The following RXRA variants were observed in gnomAD, a reference collection of about 807,000 sequenced individuals.
The protein encoded by RXRA is retinoic acid receptor RXR-alpha.
In RXRA, 5 loss-of-function variants were observed where a neutral mutation model predicts 44.5. The observed-to-expected ratio is 0.11, with a 90% CI of 0.06 to 0.24. RXRA has a LOEUF of 0.24. Among genes scored for constraint, RXRA ranks in the 10% least tolerant of loss-of-function variants. RXRA has a pLI of 1.00. For synonymous variants in RXRA, 291 were observed against 271.4 expected, an observed-to-expected ratio of 1.07 and a Z score of -0.71; for missense variants, 412 against 646.5, an observed-to-expected ratio of 0.64 and a Z score of 3.93.
At chr9:134,329,793 G>A (rs890975594) in intron 1 of RXRA, among the ~76,000 whole-genome samples, 2 of 152,114 alleles carry the variant, frequency 1.3e-5, no homozygotes, top group Non-Finnish European at 2.9e-5. Flanking sequence ...CATCTCCCCC[G>A]TGGCTGTGTG....
intron 6 of RXRA, chr9:134,424,934 C>CCA: frequency 1.0e-6 from 1 of 985,468 alleles, no homozygotes; most frequent in Non-Finnish European, 1.2e-6. Context: ...GAGTGCTCCC[C>CCA]CATTATGTCC....
chr9:134,430,583 T>C (rs1831516528), intron 7 of RXRA, among the ~76,000 whole-genome samples: 1 of 152,180 alleles, frequency 6.6e-6, no homozygotes, highest in South Asian at 2.1e-4. Context: ...AACAGTGTCC[T>C]TGAGGGTCTT....
At chr9:134,434,291 G>T (rs917510385) in intron 9 of RXRA, 84 bp downstream of exon 9, 1 of 984,356 alleles carries the variant, frequency 1.0e-6, no homozygotes, top group Non-Finnish European at 1.6e-6. Flanking sequence ...CATTTTATGT[G>T]AATGAGAAGG....
At chr9:134,375,689 G>C (rs1370436048) in intron 1 of RXRA, among the ~76,000 whole-genome samples, 2 of 152,176 alleles carry the variant, frequency 1.3e-5, no homozygotes, top group Non-Finnish European at 2.9e-5. Flanking sequence ...TCTGGGCCCT[G>C]TGTGGGTTGT....
rs1468631849 is a variant in RXRA at position 134,438,436 on chromosome 9, C to CA, written c.*1823dup. The CA allele has an allele frequency of 6.6e-6, 1 of 152,252 alleles. No homozygotes were observed. Among genetic ancestry groups the CA allele is most frequent in the Admixed American group, 6.5e-5 (1 of 15,286 alleles). 9.4% of individuals were successfully genotyped at this position (152,252 alleles called of 1,614,324 possible). A position where few individuals can be genotyped will look rare whatever the true frequency, so the allele number is the denominator to read the frequency against. On this transcript the variant is annotated 3_prime_UTR_variant, in exon 10 of 10. Transcript: ENST00000481739. ...TGAGTCTGTGCCCGAGACAGGCTGTCAGAGATTCCAGAAGCCTCTCCTCCC... is the reference window on the plus strand; with the variant it reads ...TGAGTCTGTGCCCGAGACAGGCTGTCAAGAGATTCCAGAAGCCTCTCCTCCC...
At chr9:134,425,375 A>G in intron 6 of RXRA, 1 of 985,132 alleles carries the variant, frequency 1.0e-6, no homozygotes, top group Non-Finnish European at 1.2e-6. Context: ...TTGTCAGATG[A>G]GTAAACTGAG....
intron 4 of RXRA, among the ~76,000 whole-genome samples, chr9:134,411,700 C>T (rs1831151039): frequency 6.6e-6 from 1 of 152,244 alleles, no homozygotes; most frequent in Admixed American, 6.5e-5. Context: ...AGTCAGAATG[C>T]TGCCGAGCGC....
At chr9:134,412,592 G>A (rs1348573461) in intron 4 of RXRA, among the ~76,000 whole-genome samples, 1 of 152,204 alleles carries the variant, frequency 6.6e-6, no homozygotes, top group Non-Finnish European at 1.5e-5. Context: ...CCACCAGGAG[G>A]GACTCGTTCC....
chr9:134,386,229 A>G (rs1830717924), intron 1 of RXRA, among the ~76,000 whole-genome samples: 1 of 152,236 alleles, frequency 6.6e-6, no homozygotes, highest in South Asian at 2.1e-4. Flanking sequence ...GCCGCGCTGC[A>G]TCACCCGAGG....
At chr9:134,409,378 G>A (rs574658596) in intron 4 of RXRA, among the ~76,000 whole-genome samples, 1 of 152,320 alleles carries the variant, frequency 6.6e-6, no homozygotes, top group Non-Finnish European at 1.5e-5. Flanking sequence ...AGACCCTCAG[G>A]TGGCACTGCT....
chr9:134,373,703 A>G (rs1055173041), intron 1 of RXRA, among the ~76,000 whole-genome samples: 50 of 152,196 alleles, frequency 3.3e-4, no homozygotes, highest in Admixed American at 3.3e-4. Context: ...GGCACCTCCC[A>G]CAGGAAGCCC....
intron 4 of RXRA, among the ~76,000 whole-genome samples, chr9:134,413,155 C>T (rs1246621516): frequency 6.6e-6 from 1 of 152,210 alleles, no homozygotes; most frequent in East Asian, 1.9e-4. Flanking sequence ...GGTTCCTCAT[C>T]TGTGATGGGC....
chr9:134,416,070 G>T (rs1831229165), intron 4 of RXRA, among the ~76,000 whole-genome samples: 1 of 152,114 alleles, frequency 6.6e-6, no homozygotes, highest in Non-Finnish European at 1.5e-5. Context: ...AGGACTTTCA[G>T]GGAAGGGGAC....
At chr9:134,394,382 GGTGTTGATGGA>G (rs2119128364) in intron 1 of RXRA, among the ~76,000 whole-genome samples, 1 of 152,176 alleles carries the variant, frequency 6.6e-6, no homozygotes, top group East Asian at 1.9e-4. Flanking sequence ...AGGCCCTTTG[GGTGTTGATGGA>G]GCCTGTCTCC....
chr9:134,414,823 T>G (rs1255000700), intron 4 of RXRA, among the ~76,000 whole-genome samples: 1 of 152,200 alleles, frequency 6.6e-6, no homozygotes, highest in Non-Finnish European at 1.5e-5. Context: ...TGCGGGGGCT[T>G]CCTGCCCCGG....
chr9:134,392,229 C>T lies in RXRA; in HGVS notation c.29-9403C>T, dbSNP rs984853756. ...CTTTCCGTGACTCCGCTTCTTTCCA[C>T]GGGGACTCTGCCAGGACTGGGGCTT... On this transcript the variant is annotated intron_variant, in intron 1 of 9. Transcript: ENST00000481739. Among the ~76,000 whole-genome samples, 18 of 152,300 alleles carry T rather than the reference C, an allele frequency of 1.2e-4. No homozygotes were observed. In the East Asian group the frequency reaches 3.1e-3, roughly 26 times the overall value.
chr9:134,367,251 C>T (rs1830425825), intron 1 of RXRA, among the ~76,000 whole-genome samples: 1 of 152,152 alleles, frequency 6.6e-6, no homozygotes. Flanking sequence ...GTGGATCTGC[C>T]TGGTCTGGCG....
chr9:134,366,938 G>A lies in RXRA; in HGVS notation c.29-34694G>A, dbSNP rs541562482. Among the ~76,000 whole-genome samples, 108 of 152,230 alleles carry A rather than the reference G, an allele frequency of 7.1e-4. No individual in the cohort carries two copies. The highest frequency in any genetic ancestry group is 2.5e-3 in the African/African-American group (102 of 41,536). On this transcript the variant is annotated intron_variant, in intron 1 of 9. Transcript: ENST00000481739. The surrounding 1 kb of genome is among the most constrained non-coding windows in gnomAD (Gnocchi z 5.9). ...CAGGCTCCTGCTGGGAGAAGGGGCT[G>A]GTGGTTCCCGGGCCTGCACATCCCC...
chr9:134,432,662 G>A (rs563638757), intron 8 of RXRA, among the ~76,000 whole-genome samples: 1 of 152,384 alleles, frequency 6.6e-6, no homozygotes, highest in South Asian at 2.1e-4. Context: ...TCAAGCTGCT[G>A]GATAGGGCTT....
Sources: gnomAD v4.1 joint callset for allele counts (sites outside exome capture counted in the v4.1 genomes callset) on GRCh38, gnomAD v4.1.1 for gene constraint, Gnocchi (gnomAD v3.1) non-coding constraint, MANE v1.5 for transcripts, NCBI Gene and HGNC (gene_info 2026-07-23, HGNC 2026-07-21) for gene names.